EXT2: variants seen among roughly 807,000 people sequenced by gnomAD.
EXT2 encodes the protein exostosin-2.
EXT2 carries 53 observed loss-of-function variants against 81.6 expected under a neutral mutation model. The ratio of observed to expected loss-of-function variants is 0.65; its 90% CI spans 0.52 to 0.82. The LOEUF is 0.82. EXT2 is among the 40% of genes least tolerant of loss of function. The pLI, the probability that EXT2 is intolerant of heterozygous loss-of-function variation, is 0.00. For missense variants in EXT2, 774 were observed against 910.2 expected (o/e 0.85, Z 1.93); for synonymous variants, 320 against 340.0 (o/e 0.94, Z 0.65).
intron 7 of EXT2, among the ~76,000 whole-genome samples, chr11:44,166,059 A>G (rs1008397077): frequency 6.6e-6 from 1 of 152,248 alleles, no homozygotes; most frequent in African/African-American, 2.4e-5. Flanking sequence ...CAGCAGGTAG[A>G]ACACTAACAT....
intron 10 of EXT2, among the ~76,000 whole-genome samples, chr11:44,229,896 C>T (rs571470095): frequency 6.6e-6 from 1 of 152,294 alleles, no homozygotes; most frequent in Non-Finnish European, 1.5e-5. Context: ...TGTTGCATAC[C>T]AGGCACTGTT....
At chr11:44,192,568 C>T (rs1270043357) in intron 8 of EXT2, among the ~76,000 whole-genome samples, 1 of 152,048 alleles carries the variant, frequency 6.6e-6, no homozygotes, top group African/African-American at 2.4e-5. Context: ...GAATACAAAT[C>T]GAGAAGAGTG....
At chr11:44,149,244 C>T (rs539145066) in intron 7 of EXT2, among the ~76,000 whole-genome samples, 29 of 152,220 alleles carry the variant, frequency 1.9e-4, no homozygotes, top group Admixed American at 1.7e-3. Context: ...TGCCTGTAGT[C>T]TCAGCTACTC....
chr11:44,221,375 A>C (rs1955780254), intron 10 of EXT2, among the ~76,000 whole-genome samples: 1 of 152,148 alleles, frequency 6.6e-6, no homozygotes, highest in African/African-American at 2.4e-5. Context: ...ATAATATGAG[A>C]TCGTTATTTT....
At chr11:44,123,254 G>A (rs1456279978) in intron 4 of EXT2, among the ~76,000 whole-genome samples, 1 of 152,196 alleles carries the variant, frequency 6.6e-6, no homozygotes, top group Non-Finnish European at 1.5e-5. Context: ...ACAAGTCTGA[G>A]TAACTAAGGA....
intron 2 of EXT2, 28 bp downstream of exon 2, chr11:44,108,276 C>G (rs748876540): frequency 6.9e-6 from 11 of 1,605,292 alleles, no homozygotes; most frequent in Non-Finnish European, 9.3e-6. Flanking sequence ...AGCCCAGCCC[C>G]CAGGAGATAC....
chr11:44,210,705 T>G (rs1224298518), intron 10 of EXT2, among the ~76,000 whole-genome samples: 1 of 152,188 alleles, frequency 6.6e-6, no homozygotes, highest in African/African-American at 2.4e-5. Flanking sequence ...GGAATGTTAC[T>G]TATACTCTAG....
rs144691329 is a variant in EXT2, at chr11:44,227,623, G to A, written c.1663-4730G>A. The stretch of plus-strand genomic sequence containing the variant: ...GCCCCCTGTGGGCTTTTACACAAAG[G>A]TAGAAGATATTTGTTTGATCCTATC... On this transcript the variant is annotated intron_variant, in intron 10 of 13. Transcript: ENST00000533608. 3.3e-3 allele frequency among the ~76,000 whole-genome samples: 499 copies of A among 152,308 alleles called. 2 individuals carry two copies. Among genetic ancestry groups the A allele is most frequent in the African/African-American group, 0.012 (491 of 41,566 alleles).
chr11:44,146,090 C>T (rs190291621), intron 7 of EXT2, among the ~76,000 whole-genome samples: 145 of 152,316 alleles, frequency 9.5e-4, no homozygotes, highest in African/African-American at 3.4e-3. Context: ...CTGCTTGTCT[C>T]GCAGATGGCT....
chr11:44,107,770 A>T lies in EXT2; in HGVS notation c.58A>T (p.Thr20Ser). The T allele has an allele frequency of 1.2e-6, 2 of 1,614,152 alleles. No individual in the cohort carries two copies. The highest frequency in any genetic ancestry group is 1.7e-6 in the Non-Finnish European group (2 of 1,180,024). Residue 20 changes from threonine (T) to serine (S), a missense_variant, in exon 2 of 14, where the codon ACC becomes TCC. Physicochemically the swap from Thr to Ser is moderately conservative, Grantham distance 58. Coordinates refer to ENST00000533608, the MANE Select transcript of EXT2 (RefSeq NM_207122.2). Reference protein sequence around the residue: ...RGPALIPRMKTKHRIYYITLF... With the variant: ...RGPALIPRMKSKHRIYYITLF... ...TCCTGCCCTCATCCCAAGAATGAAG[A>T]CCAAGCACCGAATCTACTATATCAC...
At chr11:44,118,951 C>T (rs1477970235) in intron 4 of EXT2, among the ~76,000 whole-genome samples, 1 of 151,106 alleles carries the variant, frequency 6.6e-6, no homozygotes, top group Non-Finnish European at 1.5e-5. Flanking sequence ...TTCTTTTTCT[C>T]TTTTTTTCCT....
chr11:44,169,470 GAAT>G (rs1289298437), intron 7 of EXT2, among the ~76,000 whole-genome samples: 3 of 151,834 alleles, frequency 2.0e-5, no homozygotes, highest in East Asian at 1.9e-4. Context: ...CAAAAATGTG[GAAT>G]AATAATAAAA....
intron 4 of EXT2, among the ~76,000 whole-genome samples, chr11:44,124,115 A>T (rs1006403799): frequency 1.1e-4 from 17 of 152,220 alleles, no homozygotes; most frequent in Non-Finnish European, 2.2e-4. Flanking sequence ...CATCCTTGCC[A>T]TCCAGATGTT....
At chr11:44,188,501 GA>G (rs1412386314) in intron 8 of EXT2, among the ~76,000 whole-genome samples, 1 of 152,110 alleles carries the variant, frequency 6.6e-6, no homozygotes, top group Non-Finnish European at 1.5e-5. Flanking sequence ...CTTATGAAGG[GA>G]ATTTAGTTGA....
chr11:44,229,560 G>A (rs1448817101), intron 10 of EXT2, among the ~76,000 whole-genome samples: 1 of 152,188 alleles, frequency 6.6e-6, no homozygotes, highest in Non-Finnish European at 1.5e-5. Context: ...TAAAAACACG[G>A]AGATGGTCAC....
intron 7 of EXT2, among the ~76,000 whole-genome samples, chr11:44,153,692 T>G (rs1445505550): frequency 6.6e-6 from 1 of 152,090 alleles, no homozygotes; most frequent in Non-Finnish European, 1.5e-5. Context: ...TTCCTTCTAT[T>G]CCTAGTTTGC....
intron 10 of EXT2, among the ~76,000 whole-genome samples, chr11:44,224,504 G>T (rs1955818523): frequency 6.6e-6 from 1 of 151,866 alleles, no homozygotes; most frequent in Non-Finnish European, 1.5e-5. Context: ...ATCATTTTTT[G>T]GAAATAGATG....
chr11:44,148,574 T>C (rs1565212384), intron 7 of EXT2, among the ~76,000 whole-genome samples: 1 of 152,182 alleles, frequency 6.6e-6, no homozygotes, highest in Non-Finnish European at 1.5e-5. Flanking sequence ...GGCTCAATTT[T>C]CTCATCATAA....
At chr11:44,138,382 A>C (rs528702060) in intron 7 of EXT2, among the ~76,000 whole-genome samples, 2 of 152,146 alleles carry the variant, frequency 1.3e-5, no homozygotes, top group Non-Finnish European at 2.9e-5. Flanking sequence ...AGTTGCAGTA[A>C]TCTTGAGAAT....
Sources: allele counts gnomAD v4.1 joint callset (sites outside exome capture counted in the v4.1 genomes callset), GRCh38; gene constraint gnomAD v4.1.1; transcripts MANE v1.5; gene names NCBI Gene and HGNC (gene_info 2026-07-23, HGNC 2026-07-21).